Variants in UBE2E2 observed in about 807,000 individuals in gnomAD.
The protein encoded by UBE2E2 is ubiquitin conjugating enzyme E2 E2.
UBE2E2 carries 6 observed loss-of-function variants against 24.7 expected under a neutral mutation model. The ratio of observed to expected loss-of-function variants is 0.24; its 90% confidence interval spans 0.13 to 0.48. The LOEUF (loss-of-function observed/expected upper bound fraction) is 0.48. UBE2E2 is among the 20% of genes least tolerant of loss of function. The pLI is 0.99. For missense variants in UBE2E2, 169 were observed against 245.0 expected, an observed-to-expected ratio of 0.69 and a Z score of 2.07; for synonymous variants, 104 against 83.6, an observed-to-expected ratio of 1.24 and a Z score of -1.33.
chr3:23,479,038 G>A (rs1271782807), intron 3 of UBE2E2, among the ~76,000 whole-genome samples: 1 of 152,164 alleles, frequency 6.6e-6, no homozygotes, highest in East Asian at 1.9e-4. Flanking sequence ...TTGTAATAGT[G>A]TCACAGGATC....
At chr3:23,211,571 T>C (rs1046867103) in intron 2 of UBE2E2, among the ~76,000 whole-genome samples, 2 of 152,084 alleles carry the variant, frequency 1.3e-5, no homozygotes, top group South Asian at 4.2e-4. Flanking sequence ...TTTAATGTAT[T>C]TTTTGTAGGG....
At chr3:23,479,270 C>G (rs1208520576) in intron 3 of UBE2E2, among the ~76,000 whole-genome samples, 2 of 152,196 alleles carry the variant, frequency 1.3e-5, no homozygotes, top group Non-Finnish European at 2.9e-5. Flanking sequence ...CTGTGCATAG[C>G]CAGGCATGCC....
At chr3:23,557,386 G>T (rs368521014) in intron 5 of UBE2E2, among the ~76,000 whole-genome samples, 2 of 152,206 alleles carry the variant, frequency 1.3e-5, no homozygotes, top group African/African-American at 4.8e-5. Context: ...GTTTATTCCA[G>T]TTTAGGATCT....
intron 1 of UBE2E2, among the ~76,000 whole-genome samples, chr3:23,205,244 G>A (rs1220650775): frequency 6.6e-6 from 1 of 152,184 alleles, no homozygotes; most frequent in Admixed American, 6.5e-5. Flanking sequence ...ATCTTTGAAA[G>A]TATCATTGGA....
intron 3 of UBE2E2, among the ~76,000 whole-genome samples, chr3:23,277,445 G>C (rs1361065046): frequency 6.6e-6 from 1 of 152,080 alleles, no homozygotes; most frequent in African/African-American, 2.4e-5. Context: ...TACATACTGT[G>C]TTTACTGTGT....
intron 3 of UBE2E2, among the ~76,000 whole-genome samples, chr3:23,375,991 A>G (rs1696512630): frequency 6.6e-6 from 1 of 152,250 alleles, no homozygotes; most frequent in South Asian, 2.1e-4. Context: ...ATATACAAGT[A>G]TAATGTTTGG....
chr3:23,286,958 A>T (rs761228993), intron 3 of UBE2E2, among the ~76,000 whole-genome samples: 6 of 152,234 alleles, frequency 3.9e-5, no homozygotes, highest in South Asian at 4.1e-4. Flanking sequence ...TGCTGTTGGC[A>T]TATGGAGATG....
At chr3:23,488,794 G>A (rs1198367765) in intron 3 of UBE2E2, among the ~76,000 whole-genome samples, 5 of 152,144 alleles carry the variant, frequency 3.3e-5, no homozygotes. Context: ...TGGGAGGTGG[G>A]GGCGGAATTA....
intron 3 of UBE2E2, among the ~76,000 whole-genome samples, chr3:23,315,764 C>T (rs955423622): frequency 3.3e-5 from 5 of 152,046 alleles, no homozygotes; most frequent in Admixed American, 2.0e-4. Flanking sequence ...GAAGGCTTTC[C>T]AGGTATTTGT....
At chr3:23,530,634 C>T (rs1414531389) in intron 4 of UBE2E2, among the ~76,000 whole-genome samples, 1 of 152,174 alleles carries the variant, frequency 6.6e-6, no homozygotes, top group Non-Finnish European at 1.5e-5. Flanking sequence ...CATTCTAGAG[C>T]CCACGCTTTC....
At chr3:23,431,961 A>G (rs529539105) in intron 3 of UBE2E2, among the ~76,000 whole-genome samples, 17 of 152,182 alleles carry the variant, frequency 1.1e-4, no homozygotes, top group African/African-American at 4.1e-4. Context: ...TCTCACAGAC[A>G]GGTCATATGA....
chr3:23,294,698 TATATA>T (rs1008246878), intron 3 of UBE2E2, among the ~76,000 whole-genome samples: 5 of 146,778 alleles, frequency 3.4e-5, no homozygotes, highest in South Asian at 2.1e-4. Context: ...ATATAATATT[TATATA>T]ATATATTATA....
At chr3:23,245,860 A>G (rs1463341678) in intron 3 of UBE2E2, among the ~76,000 whole-genome samples, 2 of 152,320 alleles carry the variant, frequency 1.3e-5, no homozygotes, top group South Asian at 2.1e-4. Context: ...TGTGTTTTGC[A>G]TATTTACACA....
intron 3 of UBE2E2, among the ~76,000 whole-genome samples, chr3:23,353,822 T>G (rs1444547526): frequency 1.3e-5 from 1 of 77,766 alleles, no homozygotes; most frequent in Non-Finnish European, 2.7e-5. Flanking sequence ...CAAGGTAATT[T>G]ATAGATTCAA....
intron 3 of UBE2E2, among the ~76,000 whole-genome samples, chr3:23,453,824 T>G (rs1341027830): frequency 6.6e-6 from 1 of 152,216 alleles, no homozygotes; most frequent in Admixed American, 6.5e-5. Context: ...GAAGCATCTC[T>G]TCATTGTGAA....
At chr3:23,229,831 A>C (rs1034839149) in intron 3 of UBE2E2, among the ~76,000 whole-genome samples, 3 of 152,222 alleles carry the variant, frequency 2.0e-5, no homozygotes, top group Non-Finnish European at 4.4e-5. Context: ...GCAACTAAAT[A>C]ACTGATTTTT....
At chr3:23,480,369 G>A (rs752824219) in intron 3 of UBE2E2, among the ~76,000 whole-genome samples, 3 of 152,328 alleles carry the variant, frequency 2.0e-5, no homozygotes, top group South Asian at 2.1e-4. Context: ...GCCTATGGGG[G>A]CAGGGAGCTT....
At chr3:23,548,711 C>T (rs537696183) in intron 5 of UBE2E2, among the ~76,000 whole-genome samples, 5 of 152,180 alleles carry the variant, frequency 3.3e-5, no homozygotes, top group Non-Finnish European at 7.3e-5. Context: ...TCCTTAACTT[C>T]ATTTAACCTT....
chr3:23,337,303 C>G (rs1695239023), intron 3 of UBE2E2, among the ~76,000 whole-genome samples: 1 of 152,138 alleles, frequency 6.6e-6, no homozygotes, highest in Non-Finnish European at 1.5e-5. Flanking sequence ...GTCACTATAT[C>G]TAGCTAATTT....
Sources: allele counts gnomAD v4.1 joint callset (sites outside exome capture counted in the v4.1 genomes callset), GRCh38; gene constraint gnomAD v4.1.1; transcripts MANE v1.5; gene names NCBI Gene and HGNC (gene_info 2026-07-23, HGNC 2026-07-21).